Variants in TMTC1 observed in about 807,000 individuals in gnomAD.
TMTC1 encodes transmembrane O-mannosyltransferase targeting cadherins 1, also known as protein O-mannosyl-transferase TMTC1.
Under a neutral mutation model 104.8 loss-of-function variants are expected in TMTC1, and 73 were observed. The ratio of observed to expected loss-of-function variants is 0.70; its 90% CI spans 0.58 to 0.85. TMTC1 has a LOEUF of 0.85. Ranked by LOEUF, TMTC1 falls within the 40% of genes least tolerant of loss-of-function variation. TMTC1 has a pLI of 0.00. For synonymous variants in TMTC1, 434 were observed against 428.7 expected, an observed-to-expected ratio of 1.01 and a Z score of -0.15; for missense variants, 1,035 against 1,096.1, an observed-to-expected ratio of 0.94 and a Z score of 0.79.
At chr12:29,547,720 G>A (rs925490191) in intron 10 of TMTC1, among the ~76,000 whole-genome samples, 10 of 152,300 alleles carry the variant, frequency 6.6e-5, no homozygotes, top group African/African-American at 2.4e-4. Flanking sequence ...GAAGAATAAG[G>A]AGGAAAGTGG....
intron 7 of TMTC1, among the ~76,000 whole-genome samples, chr12:29,603,637 C>T (rs893022738): frequency 7.0e-4 from 107 of 152,238 alleles, no homozygotes; most frequent in Non-Finnish European, 3.8e-4. Context: ...AGCTTCAGCA[C>T]AGTTCAAACA....
At chr12:29,628,839 T>C (rs563724513) in intron 6 of TMTC1, among the ~76,000 whole-genome samples, 15 of 152,016 alleles carry the variant, frequency 9.9e-5, no homozygotes, top group South Asian at 6.3e-4. Context: ...TTTTTGTATT[T>C]TTAGTAGAGA....
intron 5 of TMTC1, among the ~76,000 whole-genome samples, chr12:29,702,714 C>T (rs1941630931): frequency 6.6e-6 from 1 of 152,180 alleles, no homozygotes; most frequent in South Asian, 2.1e-4. Flanking sequence ...CTTGAGTATG[C>T]CGGCCACTCC....
chr12:29,731,369 C>A (rs1942541551), intron 5 of TMTC1, among the ~76,000 whole-genome samples: 1 of 152,146 alleles, frequency 6.6e-6, no homozygotes, highest in Non-Finnish European at 1.5e-5. Flanking sequence ...ATTGGCCAGG[C>A]TGATCTCAAA....
At chr12:29,578,818 G>C (rs751676201) in intron 8 of TMTC1, among the ~76,000 whole-genome samples, 1 of 152,152 alleles carries the variant, frequency 6.6e-6, no homozygotes, top group South Asian at 2.1e-4. Flanking sequence ...TCAGAGGTTA[G>C]CAAAAAGGAA....
intron 5 of TMTC1, among the ~76,000 whole-genome samples, chr12:29,745,234 T>C (rs1942921760): frequency 2.0e-5 from 3 of 152,162 alleles, no homozygotes; most frequent in Non-Finnish European, 4.4e-5. Context: ...CCACCTCCCT[T>C]CTGCAGTGCC....
intron 5 of TMTC1, among the ~76,000 whole-genome samples, chr12:29,689,260 G>GTTTT (rs35349904): frequency 1.4e-5 from 2 of 146,766 alleles, no homozygotes; most frequent in African/African-American, 2.5e-5. Flanking sequence ...TAAGCCACTG[G>GTTTT]TTTTTTTTTT....
chr12:29,639,230 T>C (rs888151317), intron 5 of TMTC1, among the ~76,000 whole-genome samples: 2 of 152,104 alleles, frequency 1.3e-5, no homozygotes, highest in African/African-American at 2.4e-5. Flanking sequence ...AATATTAATA[T>C]CAAACTTCAA....
At chr12:29,609,418 T>C (rs1236089337) in intron 6 of TMTC1, among the ~76,000 whole-genome samples, 1 of 152,230 alleles carries the variant, frequency 6.6e-6, no homozygotes, top group Non-Finnish European at 1.5e-5. Context: ...TCTGTTAGAC[T>C]ACGGATTCCT....
chr12:29,695,773 A>C (rs1941398327), intron 5 of TMTC1, among the ~76,000 whole-genome samples: 1 of 137,218 alleles, frequency 7.3e-6, no homozygotes, highest in African/African-American at 2.6e-5. Context: ...ACTTCTCACA[A>C]ATTTTAAACT....
intron 6 of TMTC1, among the ~76,000 whole-genome samples, chr12:29,623,900 A>G (rs115644270): frequency 0.015 from 2,297 of 152,276 alleles, 52 homozygotes; most frequent in African/African-American, 0.053. Flanking sequence ...GTGACTCTAA[A>G]GCTGTCCTTT....
chr12:29,624,663 G>T (rs1434001036), intron 6 of TMTC1, among the ~76,000 whole-genome samples: 2 of 152,154 alleles, frequency 1.3e-5, no homozygotes, highest in Non-Finnish European at 2.9e-5. Flanking sequence ...CTTCCTTCAT[G>T]TCTCTGCTCT....
In TMTC1 at chr12:29,517,547, AGCTTTGTGTGCCACCT is replaced by A; in HGVS notation, c.2033_2048del (p.Gln678LeufsTer47). ...GTGCTCCCAAAGGTGACAATATCTC[AGCTTTGTGTGCCACCT>A]GCAGGGCGCTGAGTTTGGAGAAAAT... On this transcript the variant is annotated frameshift_variant, in exon 14 of 18. Coordinates refer to ENST00000539277, the MANE Select transcript of TMTC1 (RefSeq NM_001193451.2). LOFTEE classifies it high-confidence loss of function. 6.2e-7 allele frequency: 1 copy of A among 1,613,666 alleles called. No individual in the cohort carries two copies.
intron 1 of TMTC1, among the ~76,000 whole-genome samples, chr12:29,774,494 T>A (rs1489732695): frequency 1.3e-5 from 2 of 152,184 alleles, no homozygotes; most frequent in African/African-American, 4.8e-5. Flanking sequence ...ATTATCTGTT[T>A]CTGGTGTCTC....
At chr12:29,733,832 G>A (rs866498338) in intron 5 of TMTC1, among the ~76,000 whole-genome samples, 2 of 152,128 alleles carry the variant, frequency 1.3e-5, no homozygotes, top group African/African-American at 4.8e-5. Flanking sequence ...TTCTTCACCT[G>A]TTTCAATATC....
At chr12:29,610,315 C>T (rs1380177463) in intron 6 of TMTC1, among the ~76,000 whole-genome samples, 1 of 151,974 alleles carries the variant, frequency 6.6e-6, no homozygotes, top group Non-Finnish European at 1.5e-5. Flanking sequence ...AGTGAAGCAC[C>T]CTGTTTAAGG....
chr12:29,514,879 T>C (rs1285117169), intron 15 of TMTC1, among the ~76,000 whole-genome samples: 1 of 152,004 alleles, frequency 6.6e-6, no homozygotes, highest in African/African-American at 2.4e-5. Flanking sequence ...CCAGGTGTGG[T>C]GGTGCACACC....
Position 29,502,718 on chromosome 12 carries a change from T to C in TMTC1, c.*4128A>G, listed in dbSNP as rs1215252077. The C allele has an allele frequency of 6.6e-6, 1 of 152,176 alleles. No homozygotes were observed. Among genetic ancestry groups the C allele is most frequent in the Admixed American group, 6.5e-5 (1 of 15,280 alleles). 9.4% of individuals were successfully genotyped at this position (152,176 alleles called of 1,614,324 possible). ...TTTAGTATAGACTTAAAAGTAAAAA[T>C]TGCAAAAGATGATAAACATCTATTA... On this transcript the variant is annotated 3_prime_UTR_variant, in exon 18 of 18. Transcript: ENST00000539277.
At chr12:29,518,448 T>C (rs1944053253) in intron 13 of TMTC1, 24 bp downstream of exon 13, 4 of 1,606,652 alleles carry the variant, frequency 2.5e-6, no homozygotes, top group Non-Finnish European at 2.6e-6. Flanking sequence ...GGGCAACTTA[T>C]AAAGAAAAGA....
Sources: allele counts gnomAD v4.1 joint callset (sites outside exome capture counted in the v4.1 genomes callset), GRCh38; gene constraint gnomAD v4.1.1; transcripts MANE v1.5; gene names NCBI Gene and HGNC (gene_info 2026-07-23, HGNC 2026-07-21).